The following ENPP6 variants were observed in gnomAD, a reference collection of about 807,000 sequenced individuals.
The protein encoded by ENPP6 is ectonucleotide pyrophosphatase/phosphodiesterase 6.
A neutral mutation model predicts 42.0 loss-of-function variants in ENPP6; 32 were observed. The ratio of observed to expected loss-of-function variants is 0.76; its 90% CI spans 0.58 to 1.02. ENPP6 has a LOEUF of 1.02. Ranked by LOEUF, ENPP6 falls within the 50% of genes least tolerant of loss-of-function variation. The probability of loss-of-function intolerance (pLI) is 0.00; values close to 1 mark genes in which losing one functional copy is unlikely to be tolerated. For synonymous variants in ENPP6, 213 were observed against 216.0 expected (o/e 0.99, Z 0.12); for missense variants, 552 against 566.8 (o/e 0.97, Z 0.27).
Position 184,217,843 on chromosome 4 carries a change from C to T in ENPP6, c.-24G>A, listed in dbSNP as rs200419210. On this transcript the variant is annotated 5_prime_UTR_variant, in exon 1 of 8. Coordinates refer to ENST00000296741, the MANE Select transcript of ENPP6 (RefSeq NM_153343.4). ...ATGCTGCCAGGAGCCTGCCAGAGCC[C>T]GGCTGGCACAGCTGTCGCCTTGCAA... 415 of 1,609,364 alleles carry T rather than the reference C, an allele frequency of 2.6e-4. No individual in the cohort carries two copies. The highest frequency in any genetic ancestry group is 1.2e-3 in the East Asian group (54 of 44,762).
At chr4:184,199,450 CT>C (rs1485166905) in intron 1 of ENPP6, among the ~76,000 whole-genome samples, 1 of 152,224 alleles carries the variant, frequency 6.6e-6, no homozygotes, top group African/African-American at 2.4e-5. Flanking sequence ...TGCTTTCAAC[CT>C]TTAAAGAATA....
At chr4:184,129,088 G>C (rs928693112) in intron 2 of ENPP6, among the ~76,000 whole-genome samples, 17 of 152,168 alleles carry the variant, frequency 1.1e-4, no homozygotes, top group Non-Finnish European at 2.1e-4. Context: ...TCATTTAGGT[G>C]AGAAGCAAAT....
At chr4:184,172,856 G>A (rs562558091) in intron 1 of ENPP6, among the ~76,000 whole-genome samples, 13 of 152,216 alleles carry the variant, frequency 8.5e-5, no homozygotes, top group South Asian at 4.2e-4. Context: ...ATGTACATTC[G>A]TTCACCGTCT....
At chr4:184,161,635 C>T (rs1737258488) in intron 1 of ENPP6, among the ~76,000 whole-genome samples, 1 of 151,632 alleles carries the variant, frequency 6.6e-6, no homozygotes, top group African/African-American at 2.4e-5. Flanking sequence ...AGCCCAAATG[C>T]TCATTAATCA....
intron 6 of ENPP6, among the ~76,000 whole-genome samples, chr4:184,107,539 G>A (rs1259909534): frequency 1.3e-5 from 2 of 152,170 alleles, no homozygotes; most frequent in African/African-American, 4.8e-5. Context: ...CACTTTGGGA[G>A]GCTGAGGTGG....
intron 1 of ENPP6, among the ~76,000 whole-genome samples, chr4:184,169,893 C>T (rs1204859719): frequency 6.6e-6 from 1 of 152,184 alleles, no homozygotes; most frequent in Non-Finnish European, 1.5e-5. Context: ...GACAGTGCTC[C>T]GCCCTGGTTT....
chr4:184,197,332 G>A (rs756557344), intron 1 of ENPP6, among the ~76,000 whole-genome samples: 4 of 152,152 alleles, frequency 2.6e-5, no homozygotes, highest in South Asian at 2.1e-4. Context: ...TGTACCTCCC[G>A]GGAGATGTTA....
intron 2 of ENPP6, among the ~76,000 whole-genome samples, chr4:184,139,078 G>A (rs756734729): frequency 5.9e-5 from 9 of 152,238 alleles, no homozygotes; most frequent in Non-Finnish European, 1.0e-4. Context: ...GGATGGGACT[G>A]CAACCCAAGT....
At position 184,209,945 on chromosome 4, in the gene ENPP6, G is replaced by C. The variant is rs1470863784; in HGVS notation, c.241+7634C>G. ...GGGGCCAATATTCAACATTCTTAAA[G>C]AAAAGAATTTTCAACCCAGAATTTC... On this transcript the variant is annotated intron_variant, in intron 1 of 7. Transcript: ENST00000296741. Among the ~76,000 whole-genome samples, 19 of 140,206 alleles carry C rather than the reference G, an allele frequency of 1.4e-4. No individual in the cohort carries two copies. In the East Asian group the frequency reaches 3.3e-3, roughly 24 times the overall value. 92.0% of individuals were successfully genotyped at this position (140,206 alleles called of 152,430 possible).
chr4:184,171,141 C>T (rs186784174), intron 1 of ENPP6, among the ~76,000 whole-genome samples: 35 of 152,320 alleles, frequency 2.3e-4, no homozygotes, highest in African/African-American at 5.1e-4. Context: ...CTCTGCTGGA[C>T]GCAGCACCAG....
chr4:184,092,526 A>G (rs1043775181), intron 7 of ENPP6, among the ~76,000 whole-genome samples: 1 of 152,218 alleles, frequency 6.6e-6, no homozygotes, highest in African/African-American at 2.4e-5. Flanking sequence ...TGACTCCACA[A>G]GTCTTTGGAG....
intron 3 of ENPP6, among the ~76,000 whole-genome samples, chr4:184,118,208 G>A (rs935397396): frequency 2.0e-5 from 3 of 152,160 alleles, no homozygotes; most frequent in Middle Eastern, 3.2e-3. Context: ...CTTTAGGTAC[G>A]TGCACATTTA....
chr4:184,206,581 T>C (rs191399765), intron 1 of ENPP6, among the ~76,000 whole-genome samples: 35 of 152,234 alleles, frequency 2.3e-4, no homozygotes, highest in African/African-American at 8.4e-4. Flanking sequence ...TGCAGAAGGC[T>C]GAGGATGTGG....
intron 2 of ENPP6, among the ~76,000 whole-genome samples, chr4:184,133,917 G>A (rs192468669): frequency 6.7e-6 from 1 of 149,968 alleles, no homozygotes; most frequent in African/African-American, 2.4e-5. Context: ...ACCCAGGCTG[G>A]AGTGATTTTT....
At chr4:184,136,513 C>G (rs11938740) in intron 2 of ENPP6, among the ~76,000 whole-genome samples, 1 of 152,158 alleles carries the variant, frequency 6.6e-6, no homozygotes, top group Non-Finnish European at 1.5e-5. Flanking sequence ...TTCCTTTACT[C>G]TAGCTGGCAA....
chr4:184,175,738 C>T (rs1330185135), intron 1 of ENPP6, among the ~76,000 whole-genome samples: 1 of 152,248 alleles, frequency 6.6e-6, no homozygotes, highest in East Asian at 1.9e-4. Flanking sequence ...CTTTATTCTA[C>T]CCCAAAGGTA....
Position 184,131,259 on chromosome 4 carries a change from T to TTTCTCTTCCTTC in ENPP6, c.422-6988_422-6987insGAAGGAAGAGAA, listed in dbSNP as rs1553996065. The stretch of plus-strand genomic sequence containing the variant: ...CCTTTTCTTTCTTTCTTTCTCTTTC[T>TTTCTCTTCCTTC]CTTCCTTCCTTCCTTCCTTCCTTCC... On this transcript the variant is annotated intron_variant, in intron 2 of 7. Transcript: ENST00000296741. Among the ~76,000 whole-genome samples, 230 of 73,344 alleles carry TTTCTCTTCCTTC rather than the reference T, an allele frequency of 3.1e-3. 28 individuals are homozygous for TTTCTCTTCCTTC. The highest frequency in any genetic ancestry group is 0.012 in the African/African-American group (221 of 18,318). The allele number at this position is 73,344 out of a possible 152,430, so 48.1% of individuals were successfully genotyped here. A position where few individuals can be genotyped will look rare whatever the true frequency, so the allele number is the denominator to read the frequency against.
chr4:184,154,466 C>A (rs1311425717), intron 1 of ENPP6, among the ~76,000 whole-genome samples: 1 of 152,138 alleles, frequency 6.6e-6, no homozygotes, highest in Non-Finnish European at 1.5e-5. Context: ...TTGGCAAGTG[C>A]ATCAAAAATT....
intron 1 of ENPP6, among the ~76,000 whole-genome samples, chr4:184,208,284 G>C (rs940388561): frequency 1.3e-5 from 2 of 152,166 alleles, no homozygotes; most frequent in Non-Finnish European, 2.9e-5. Flanking sequence ...CCCAGCGTGA[G>C]CGATGCAGAA....
Sources: gnomAD v4.1 joint callset for allele counts (sites outside exome capture counted in the v4.1 genomes callset) on GRCh38, gnomAD v4.1.1 for gene constraint, MANE v1.5 for transcripts, NCBI Gene and HGNC (gene_info 2026-07-23, HGNC 2026-07-21) for gene names.